PCDHGA1: variants seen among roughly 807,000 people sequenced by gnomAD.
PCDHGA1 encodes the protein protocadherin gamma subfamily A, 1, also known as protocadherin gamma-A1.
In PCDHGA1, 32 loss-of-function variants were observed where a neutral mutation model predicts 58.0. The observed-to-expected ratio is 0.55, with a 90% confidence interval of 0.42 to 0.74. PCDHGA1 has a LOEUF of 0.74. Ranked by LOEUF, PCDHGA1 falls within the 30% of genes least tolerant of loss-of-function variation. The probability of loss-of-function intolerance (pLI) is 0.00; values close to 1 mark genes in which losing one functional copy is unlikely to be tolerated. For synonymous variants in PCDHGA1, 498 were observed against 501.1 expected, an observed-to-expected ratio of 0.99 and a Z score of 0.08; for missense variants, 1,205 against 1,182.3, an observed-to-expected ratio of 1.02 and a Z score of -0.28.
chr5:141,393,635 C>T, intron 1 of PCDHGA1: 2 of 1,613,868 alleles, frequency 1.2e-6, no homozygotes, highest in East Asian at 4.5e-5. Context: ...AGGGAATCAA[C>T]GGAAAAGTGG....
chr5:141,431,364 G>A lies in PCDHGA1; in HGVS notation c.2422-63443G>A. 1 of 1,614,010 alleles carries A rather than the reference G, an allele frequency of 6.2e-7. No homozygotes were observed. The highest frequency in any genetic ancestry group is 8.5e-7 in the Non-Finnish European group (1 of 1,180,022). On this transcript the variant is annotated intron_variant, in intron 1 of 3. Coordinates refer to ENST00000517417, the MANE Select transcript of PCDHGA1 (RefSeq NM_018912.3). This position sits in a 1 kb window ranked among gnomAD's most constrained non-coding sequence, Gnocchi z 4.8. ...TTGGTGCTGAAACGCGCCCTGGACCGCGAAGAAAAGGCTGCTCACCACCTG... is the reference window on the plus strand; with the variant it reads ...TTGGTGCTGAAACGCGCCCTGGACCACGAAGAAAAGGCTGCTCACCACCTG...
chr5:141,465,251 A>T (rs1436627558), intron 1 of PCDHGA1, among the ~76,000 whole-genome samples: 1 of 152,214 alleles, frequency 6.6e-6, no homozygotes, highest in Non-Finnish European at 1.5e-5. Flanking sequence ...GCACTTTTGT[A>T]AGCAATGATA....
At chr5:141,473,131 A>G (rs1262205483) in intron 1 of PCDHGA1, among the ~76,000 whole-genome samples, 2 of 152,214 alleles carry the variant, frequency 1.3e-5, no homozygotes, top group Admixed American at 6.5e-5. Context: ...TTGGCAAACT[A>G]TATTATCTCT....
chr5:141,489,267 C>A lies in PCDHGA1; in HGVS notation c.2422-5540C>A. On this transcript the variant is annotated intron_variant, in intron 1 of 3. Transcript: ENST00000517417. This position sits in a 1 kb window ranked among gnomAD's most constrained non-coding sequence, Gnocchi z 4.5. ...TGGGGCCCAAGACACTCCCACAGCT[C>A]GCTGGGAAATGGCAAGTGCTGTGCA... is the stretch of plus-strand genomic sequence containing the variant. 1 of 1,553,300 alleles carries A rather than the reference C, an allele frequency of 6.4e-7. No homozygotes were observed. The highest frequency in any genetic ancestry group is 8.7e-7 in the Non-Finnish European group (1 of 1,149,864).
intron 1 of PCDHGA1, chr5:141,410,296 A>G (rs1424650333): frequency 6.2e-7 from 1 of 1,613,774 alleles, no homozygotes; most frequent in Admixed American, 1.7e-5. Flanking sequence ...CCTTGGCCTT[A>G]ATCTCAGTGC....
At chr5:141,478,545 A>C in intron 1 of PCDHGA1, 1 of 1,605,606 alleles carries the variant, frequency 6.2e-7, no homozygotes, top group Non-Finnish European at 8.5e-7. Flanking sequence ...CCTCCCGGAC[A>C]GGTAAGGTTT....
intron 1 of PCDHGA1, among the ~76,000 whole-genome samples, chr5:141,336,577 C>T (rs1339025792): frequency 6.6e-6 from 1 of 152,126 alleles, no homozygotes; most frequent in Non-Finnish European, 1.5e-5. Context: ...ATGGGCAATT[C>T]CACTTATGCC....
chr5:141,393,532 C>T (rs1411410420), intron 1 of PCDHGA1: 5 of 1,613,886 alleles, frequency 3.1e-6, no homozygotes, highest in African/African-American at 2.7e-5. Flanking sequence ...GACAATGCCC[C>T]GGTTTTTCCT....
At chr5:141,421,651 A>C in intron 1 of PCDHGA1, 1 of 1,613,868 alleles carries the variant, frequency 6.2e-7, no homozygotes, top group Non-Finnish European at 8.5e-7. Flanking sequence ...AGTGGAGATA[A>C]AAGTCAGTGA....
intron 1 of PCDHGA1, chr5:141,400,474 G>A: frequency 6.2e-7 from 1 of 1,614,012 alleles, no homozygotes; most frequent in Non-Finnish European, 8.5e-7. Context: ...TTCATCTGGG[G>A]CCTTATTTCC....
rs758982878 is a variant in PCDHGA1, at chr5:141,366,077, G to A, written c.2421+32972G>A. 1.9e-6 allele frequency: 3 copies of A among 1,614,248 alleles called. No individual in the cohort carries two copies. The South Asian group carries it at 3.3e-5, about 18-fold the overall frequency. ...CGTGGAGCTGGCGCCTCGCTCCGCA[G>A]AACCTGGCTACCTGGTGACCAAGGT... On this transcript the variant is annotated intron_variant, in intron 1 of 3. Coordinates refer to ENST00000517417, the MANE Select transcript of PCDHGA1 (RefSeq NM_018912.3).
intron 1 of PCDHGA1, chr5:141,383,176 G>A: frequency 6.2e-7 from 1 of 1,614,122 alleles, no homozygotes; most frequent in Non-Finnish European, 8.5e-7. Flanking sequence ...GATAGACCGG[G>A]AAGAGATCTG....
chr5:141,350,827 G>T (rs763130974), intron 1 of PCDHGA1: 1 of 1,613,880 alleles, frequency 6.2e-7, no homozygotes, highest in East Asian at 2.2e-5. Context: ...GTAAATATCC[G>T]GTATTACTGC....
At chr5:141,504,452 T>C (rs1208972630) in intron 2 of PCDHGA1, among the ~76,000 whole-genome samples, 1 of 152,060 alleles carries the variant, frequency 6.6e-6, no homozygotes, top group Non-Finnish European at 1.5e-5. Flanking sequence ...TAGTGCCATG[T>C]GGGGCAGCCG....
intron 1 of PCDHGA1, chr5:141,339,834 C>A (rs1430117302): frequency 6.2e-7 from 1 of 1,614,004 alleles, no homozygotes; most frequent in Non-Finnish European, 8.5e-7. Flanking sequence ...CCTGGAGAAA[C>A]CTCAGAGGTA....
intron 1 of PCDHGA1, chr5:141,350,276 G>A: frequency 6.6e-7 from 1 of 1,512,286 alleles, no homozygotes. Flanking sequence ...GAGAGCCAGA[G>A]AAGCCGAAAT....
In PCDHGA1 at chr5:141,485,068, T is replaced by C; in HGVS notation, c.2422-9739T>C. On this transcript the variant is annotated intron_variant, in intron 1 of 3. Transcript: ENST00000517417. The surrounding 1 kb of genome is among the most constrained non-coding windows in gnomAD (Gnocchi z 5.7). ...GGCGCCGGCCGAACCGCGCCAGAGCTGGCGCGGGGAAAGGGAGATAGGTGT... is the reference window on the plus strand; with the variant it reads ...GGCGCCGGCCGAACCGCGCCAGAGCCGGCGCGGGGAAAGGGAGATAGGTGT... 1 of 896,972 alleles carries C rather than the reference T, an allele frequency of 1.1e-6. No homozygotes were observed. The highest frequency in any genetic ancestry group is 1.6e-5 in the South Asian group (1 of 61,812). The allele number at this position is 896,972 out of a possible 1,614,324, so 55.6% of individuals were successfully genotyped here. A position where few individuals can be genotyped will look rare whatever the true frequency, so the allele number is the denominator to read the frequency against.
In PCDHGA1 at chr5:141,365,825, G is replaced by T. The variant is rs772088278; in HGVS notation, c.2421+32720G>T. On this transcript the variant is annotated intron_variant, in intron 1 of 3. Transcript: ENST00000517417. Reference sequence around the variant, plus strand: ...CCTGGCTGAAGACACATTTCAGGGGGCGCCCTTGTCCTCCTATGTATCCAT... The same window carrying T: ...CCTGGCTGAAGACACATTTCAGGGGTCGCCCTTGTCCTCCTATGTATCCAT... 77 of 1,613,824 alleles carry T rather than the reference G, an allele frequency of 4.8e-5. No homozygotes were observed. In the Admixed American group the frequency reaches 5.7e-4, roughly 12 times the overall value.
intron 1 of PCDHGA1, chr5:141,404,212 C>T: frequency 3.7e-6 from 6 of 1,613,616 alleles, no homozygotes; most frequent in Non-Finnish European, 5.1e-6. Flanking sequence ...AATATAATAT[C>T]ACGGTGACTG....
Sources: allele counts gnomAD v4.1 joint callset (sites outside exome capture counted in the v4.1 genomes callset), GRCh38; gene constraint gnomAD v4.1.1; non-coding constraint Gnocchi (gnomAD v3.1); transcripts MANE v1.5; gene names NCBI Gene and HGNC (gene_info 2026-07-23, HGNC 2026-07-21).